AKR1C3: variants seen among roughly 807,000 people sequenced by gnomAD.
AKR1C3 encodes the protein 3-alpha hydroxysteroid dehydrogenase, type II.
A neutral mutation model predicts 43.6 loss-of-function variants in AKR1C3; 48 were observed. The observed-to-expected ratio is 1.10, with a 90% CI of 0.87 to 1.40. The LOEUF (loss-of-function observed/expected upper bound fraction) is 1.40, where lower values mean the gene tolerates loss of function less well. Ranked by LOEUF, AKR1C3 falls within the 40% of genes most tolerant of loss-of-function variation. The pLI, the probability that AKR1C3 is intolerant of heterozygous loss-of-function variation, is 0.00. For missense variants in AKR1C3, 482 were observed against 391.2 expected, an observed-to-expected ratio of 1.23 and a Z score of -1.96; for synonymous variants, 162 against 139.6, an observed-to-expected ratio of 1.16 and a Z score of -1.13.
At chr10:5,056,546 T>C (rs1437695467) in intron 1 of AKR1C3, among the ~76,000 whole-genome samples, 1 of 152,218 alleles carries the variant, frequency 6.6e-6, no homozygotes, top group Non-Finnish European at 1.5e-5. Context: ...AACAATATTC[T>C]GTAATCCTTT....
intron 1 of AKR1C3, among the ~76,000 whole-genome samples, chr10:5,068,875 A>C (rs1838563036): frequency 2.0e-5 from 3 of 152,218 alleles, no homozygotes; most frequent in Admixed American, 2.0e-4. Context: ...AAGTTAAACA[A>C]ATTTCAAACA....
At chr10:5,071,360 A>AT (rs1178430118) in intron 1 of AKR1C3, among the ~76,000 whole-genome samples, 1 of 152,182 alleles carries the variant, frequency 6.6e-6, no homozygotes, top group Non-Finnish European at 1.5e-5. Context: ...GGCTCTGTCT[A>AT]TTCCCTCTCT....
At chr10:5,069,911 G>T (rs149303889) in intron 1 of AKR1C3, among the ~76,000 whole-genome samples, 1 of 151,862 alleles carries the variant, frequency 6.6e-6, no homozygotes, top group Non-Finnish European at 1.5e-5. Context: ...CGCCTTCTGC[G>T]CAGGGCAAAT....
Position 5,107,559 on chromosome 10 carries a change from G to A in AKR1C3, c.*56G>A. On this transcript the variant is annotated 3_prime_UTR_variant, in exon 9 of 9. Transcript: ENST00000380554. ...AGCCCTGTGTGTGGATGGTGACGCA[G>A]AGGACGTCTCTATGCCGGTGACTGG... 7.1e-7 allele frequency: 1 copy of A among 1,398,670 alleles called. No homozygotes were observed. Among genetic ancestry groups the A allele is most frequent in the East Asian group, 2.3e-5 (1 of 43,386 alleles). 86.6% of individuals were successfully genotyped at this position (1,398,670 alleles called of 1,614,324 possible).
chr10:5,053,201 C>T (rs994259480), intron 1 of AKR1C3, among the ~76,000 whole-genome samples: 9 of 152,194 alleles, frequency 5.9e-5, no homozygotes, highest in South Asian at 2.1e-4. Context: ...CAGGGGGCAG[C>T]GCTCGTCAGG....
intron 1 of AKR1C3, among the ~76,000 whole-genome samples, chr10:5,056,418 TG>T (rs1838264451): frequency 6.6e-6 from 1 of 152,156 alleles, no homozygotes; most frequent in East Asian, 1.9e-4. Flanking sequence ...ACTGCCTCAT[TG>T]ATGTGTCTAA....
At chr10:5,069,702 C>T (rs1554781153) in intron 1 of AKR1C3, among the ~76,000 whole-genome samples, 1 of 152,022 alleles carries the variant, frequency 6.6e-6, no homozygotes, top group Non-Finnish European at 1.5e-5. Context: ...TGGTGAAACC[C>T]CCGTCTACTA....
chr10:5,084,345 A>G (rs1360742309), intron 1 of AKR1C3, among the ~76,000 whole-genome samples: 3 of 151,504 alleles, frequency 2.0e-5, no homozygotes, highest in Non-Finnish European at 4.4e-5. Context: ...TCCTTTCCCC[A>G]TTGCTTGTTT....
intron 1 of AKR1C3, among the ~76,000 whole-genome samples, chr10:5,062,286 C>G (rs1554780316): frequency 6.6e-6 from 1 of 152,204 alleles, no homozygotes; most frequent in East Asian, 1.9e-4. Flanking sequence ...AGCCCACAAT[C>G]TTTCCTTAAA....
intron 1 of AKR1C3, 87 bp downstream of exon 1, chr10:5,094,615 C>G: frequency 6.9e-7 from 1 of 1,439,626 alleles, no homozygotes. Flanking sequence ...GGTTCGTGTT[C>G]CTACCTTACT....
intron 4 of AKR1C3, 65 bp downstream of exon 4, chr10:5,098,944 C>T (rs868955374): frequency 1.5e-6 from 2 of 1,348,934 alleles, no homozygotes; most frequent in Middle Eastern, 1.8e-4. Context: ...TTCCCAGGTT[C>T]AATAGGAAAG....
intron 1 of AKR1C3, among the ~76,000 whole-genome samples, chr10:5,058,300 C>T (rs1838305547): frequency 6.6e-6 from 1 of 152,166 alleles, no homozygotes; most frequent in Admixed American, 6.5e-5. Flanking sequence ...ACTCCATTTG[C>T]CTTCCCTCTT....
At chr10:5,091,268 GT>G (rs1839082780), upstream of AKR1C3, among the ~76,000 whole-genome samples, 1 of 152,236 alleles carries the variant, frequency 6.6e-6, no homozygotes, top group Admixed American at 6.5e-5. Flanking sequence ...GTCCAAATTA[GT>G]TTTCTGTTCC....
intron 6 of AKR1C3, 42 bp downstream of exon 6, chr10:5,102,252 C>T (rs374988825): frequency 7.5e-6 from 12 of 1,594,304 alleles, no homozygotes; most frequent in Admixed American, 3.4e-5. Context: ...CTTCATTTTG[C>T]AGAAAATTTT....
upstream of AKR1C3, among the ~76,000 whole-genome samples, chr10:5,092,694 C>A (rs2131832552): frequency 6.6e-6 from 1 of 151,914 alleles, no homozygotes; most frequent in South Asian, 2.1e-4. Context: ...TATGCTTTTC[C>A]CAATTTCCTG....
intron 5 of AKR1C3, among the ~76,000 whole-genome samples, chr10:5,101,421 A>G (rs1245976115): frequency 9.9e-5 from 15 of 151,870 alleles, no homozygotes; most frequent in Admixed American, 9.9e-4. Context: ...ATGAAAAAAA[A>G]TCCTTCACCA....
chr10:5,053,941 C>G (rs1467390270), intron 1 of AKR1C3, among the ~76,000 whole-genome samples: 2 of 152,208 alleles, frequency 1.3e-5, no homozygotes, highest in Admixed American at 1.3e-4. Context: ...GTTAAAAATA[C>G]AGGGCCCAAA....
intron 1 of AKR1C3, among the ~76,000 whole-genome samples, chr10:5,064,078 T>TA (rs1196179375): frequency 6.6e-6 from 1 of 152,234 alleles, no homozygotes; most frequent in East Asian, 1.9e-4. Context: ...TCTCATTTGG[T>TA]AAAATTATAT....
intron 8 of AKR1C3, 86 bp from the exon 9 acceptor site, chr10:5,107,375 A>G (rs1427108671): frequency 3.1e-6 from 3 of 968,212 alleles, no homozygotes; most frequent in Non-Finnish European, 4.9e-6. Context: ...TAACATTCAT[A>G]CTAATGACAG....
Sources: gnomAD v4.1 joint callset for allele counts (sites outside exome capture counted in the v4.1 genomes callset) on GRCh38, gnomAD v4.1.1 for gene constraint, MANE v1.5 for transcripts, NCBI Gene and HGNC (gene_info 2026-07-23, HGNC 2026-07-21) for gene names.